Variants in NCKAP5 observed in about 807,000 individuals in gnomAD.
The protein encoded by NCKAP5 is nck-associated protein 5.
In NCKAP5, 92 loss-of-function variants were observed where a neutral mutation model predicts 167.0. The observed-to-expected ratio is 0.55, with a 90% CI of 0.47 to 0.66. NCKAP5 has a LOEUF of 0.66. Ranked by LOEUF, NCKAP5 falls within the 30% of genes least tolerant of loss-of-function variation. The pLI is 0.00. For synonymous variants in NCKAP5, 891 were observed against 877.4 expected, an observed-to-expected ratio of 1.02 and a Z score of -0.27; for missense variants, 2,378 against 2,315.0, an observed-to-expected ratio of 1.03 and a Z score of -0.56.
At chr2:133,024,742 C>T (rs1380592836) in intron 6 of NCKAP5, among the ~76,000 whole-genome samples, 3 of 152,092 alleles carry the variant, frequency 2.0e-5, no homozygotes, top group Non-Finnish European at 4.4e-5. Context: ...ATAAAGAAAC[C>T]TGTTTTCTCA....
intron 8 of NCKAP5, among the ~76,000 whole-genome samples, chr2:132,949,115 C>T (rs1056809883): frequency 7.9e-6 from 1 of 127,318 alleles, no homozygotes; most frequent in Non-Finnish European, 1.6e-5. Flanking sequence ...TAAGAAGAAG[C>T]AAAGAAGCTG....
intron 11 of NCKAP5, among the ~76,000 whole-genome samples, chr2:132,805,684 T>C (rs1685376681): frequency 6.6e-6 from 1 of 151,872 alleles, no homozygotes; most frequent in South Asian, 2.1e-4. Context: ...TGAACATTTA[T>C]AGAGTGCTCA....
At chr2:132,855,020 T>C (rs1689355423) in intron 11 of NCKAP5, among the ~76,000 whole-genome samples, 1 of 152,098 alleles carries the variant, frequency 6.6e-6, no homozygotes, top group African/African-American at 2.4e-5. Flanking sequence ...GGGCATATTA[T>C]GAAGAGGGAA....
chr2:133,178,975 G>A (rs566683653), intron 5 of NCKAP5, among the ~76,000 whole-genome samples: 1 of 152,104 alleles, frequency 6.6e-6, no homozygotes, highest in East Asian at 1.9e-4. Flanking sequence ...AAACCAGCCT[G>A]CGTAACATAG....
chr2:133,243,788 C>T (rs1446291107), intron 4 of NCKAP5, among the ~76,000 whole-genome samples: 1 of 152,120 alleles, frequency 6.6e-6, no homozygotes, highest in Non-Finnish European at 1.5e-5. Flanking sequence ...TGATGTGCTC[C>T]AAGAAAAACA....
In NCKAP5 at chr2:132,805,719, G is replaced by T. The variant is rs763636878; in HGVS notation, c.808-8990C>A. On this transcript the variant is annotated intron_variant, in intron 11 of 19. Coordinates refer to ENST00000409261, the MANE Select transcript of NCKAP5 (RefSeq NM_207363.3). Reference sequence around the variant, plus strand: ...ACTTGCAGGCTAGGTCTTGTGCTAAGTGTTTACATTATTATTATTTTTAAA... The same window carrying T: ...ACTTGCAGGCTAGGTCTTGTGCTAATTGTTTACATTATTATTATTTTTAAA... Among the ~76,000 whole-genome samples, 10 of 150,584 alleles carry T rather than the reference G, an allele frequency of 6.6e-5. No homozygotes were observed. The East Asian group carries it at 1.9e-3, about 29-fold the overall frequency.
intron 5 of NCKAP5, among the ~76,000 whole-genome samples, chr2:133,197,934 G>C (rs1247381112): frequency 6.6e-6 from 1 of 151,940 alleles, no homozygotes; most frequent in Non-Finnish European, 1.5e-5. Flanking sequence ...TGGTGACAGA[G>C]CGAGACTCCA....
intron 11 of NCKAP5, among the ~76,000 whole-genome samples, chr2:132,798,878 T>A (rs1326479027): frequency 6.6e-6 from 1 of 152,128 alleles, no homozygotes; most frequent in African/African-American, 2.4e-5. Context: ...AGAGCTACCA[T>A]TTGACCCATC....
chr2:133,134,576 C>A (rs527515708), intron 5 of NCKAP5, among the ~76,000 whole-genome samples: 9 of 152,278 alleles, frequency 5.9e-5, no homozygotes, highest in South Asian at 2.1e-4. Flanking sequence ...AATACTTTTC[C>A]TATTTGGACA....
In NCKAP5 at chr2:132,784,282, T is replaced by C. The variant is rs1259083166; in HGVS notation, c.2529A>G (p.Lys843=). Residue 843 remains lysine, a synonymous_variant, in exon 14 of 20, where the codon AAA becomes AAG. Transcript: ENST00000409261. The stretch of plus-strand genomic sequence containing the variant: ...TCTCAGTCTTCATGAATCGTGAGAG[T>C]TTCCCAGGAGCTAAGGCTGGTGATT... ...LEKSPALAPG[K]LSRFMKTESS... 6.2e-7 allele frequency: 1 copy of C among 1,612,816 alleles called. No individual in the cohort carries two copies. Among genetic ancestry groups the C allele is most frequent in the Non-Finnish European group, 8.5e-7 (1 of 1,179,606 alleles).
At chr2:133,401,235 G>GGA (rs1221630252) in intron 3 of NCKAP5, among the ~76,000 whole-genome samples, 1 of 152,164 alleles carries the variant, frequency 6.6e-6, no homozygotes, top group East Asian at 1.9e-4. Context: ...TGGTGCCTCC[G>GGA]GAGAGAGCAT....
At chr2:133,546,973 T>C (rs985787523) in intron 2 of NCKAP5, among the ~76,000 whole-genome samples, 36 of 152,082 alleles carry the variant, frequency 2.4e-4, no homozygotes, top group African/African-American at 8.4e-4. Flanking sequence ...GTACCGGGTT[T>C]ATCTCACTAG....
chr2:133,500,433 AT>A (rs1265583886), intron 3 of NCKAP5, among the ~76,000 whole-genome samples: 1 of 152,210 alleles, frequency 6.6e-6, no homozygotes, highest in African/African-American at 2.4e-5. Flanking sequence ...CTGCTGCAGC[AT>A]TTTGGAAAAC....
chr2:132,834,670 G>A (rs1406365724), intron 11 of NCKAP5, among the ~76,000 whole-genome samples: 1 of 152,054 alleles, frequency 6.6e-6, no homozygotes, highest in Non-Finnish European at 1.5e-5. Flanking sequence ...TTAAATTTTT[G>A]TAGAGACAAG....
chr2:132,997,354 C>G (rs774157335), intron 6 of NCKAP5, among the ~76,000 whole-genome samples: 1 of 152,176 alleles, frequency 6.6e-6, no homozygotes, highest in Non-Finnish European at 1.5e-5. Context: ...CACATTTATA[C>G]AAGCCACCTC....
chr2:133,245,551 T>C (rs562055952), intron 4 of NCKAP5, among the ~76,000 whole-genome samples: 1 of 152,254 alleles, frequency 6.6e-6, no homozygotes, highest in South Asian at 2.1e-4. Context: ...GCTAATTACA[T>C]AGGTGTTTTC....
At chr2:133,339,900 A>G (rs74563500) in intron 3 of NCKAP5, among the ~76,000 whole-genome samples, 2,479 of 152,348 alleles carry the variant, frequency 0.016, 65 homozygotes, top group African/African-American at 0.055. Context: ...GATATCAGCT[A>G]TAATTCTAGA....
chr2:133,510,166 C>T (rs1200542117), intron 3 of NCKAP5, among the ~76,000 whole-genome samples: 2 of 152,080 alleles, frequency 1.3e-5, no homozygotes, highest in African/African-American at 2.4e-5. Context: ...CAGTCAGTGG[C>T]CCAGCAGAGG....
intron 6 of NCKAP5, among the ~76,000 whole-genome samples, chr2:133,100,640 G>C (rs2081481228): frequency 6.6e-6 from 1 of 152,004 alleles, no homozygotes; most frequent in South Asian, 2.1e-4. Context: ...TAACAAACTT[G>C]GAAGAAGTAT....
Sources: gnomAD v4.1 joint callset for allele counts (sites outside exome capture counted in the v4.1 genomes callset) on GRCh38, gnomAD v4.1.1 for gene constraint, MANE v1.5 for transcripts, NCBI Gene and HGNC (gene_info 2026-07-23, HGNC 2026-07-21) for gene names.